The following NDUFAF2 variants were observed in gnomAD, a reference collection of about 807,000 sequenced individuals.
NDUFAF2 encodes the protein NADH:ubiquinone oxidoreductase complex assembly factor 2.
A neutral mutation model predicts 22.8 loss-of-function variants in NDUFAF2; 13 were observed. The observed-to-expected ratio is 0.57, with a 90% CI of 0.37 to 0.91. NDUFAF2 has a LOEUF of 0.91. Ranked by LOEUF, NDUFAF2 falls within the 40% of genes least tolerant of loss-of-function variation. The pLI is 0.01. For missense variants in NDUFAF2, 162 were observed against 195.2 expected, an observed-to-expected ratio of 0.83 and a Z score of 1.01; for synonymous variants, 53 against 64.2, an observed-to-expected ratio of 0.83 and a Z score of 0.84.
chr5:61,037,792 G>A (rs977391523), intron 1 of NDUFAF2, among the ~76,000 whole-genome samples: 7 of 152,024 alleles, frequency 4.6e-5, no homozygotes, highest in Non-Finnish European at 1.0e-4. Flanking sequence ...ATAATGGGAA[G>A]CCTTTGAATA....
In NDUFAF2 at chr5:61,152,948, A is replaced by C. The variant is rs552253221; in HGVS notation, c.503A>C (p.Asn168Thr). 2 of 1,613,964 alleles carry C rather than the reference A, an allele frequency of 1.2e-6. No individual in the cohort carries two copies. The highest frequency in any genetic ancestry group is 4.5e-5 in the East Asian group (2 of 44,876). The stretch of plus-strand genomic sequence containing the variant: ...ATGCCACGAGATGGCAAGAGCCACA[A>C]TCAATGAATGCATTATGGTCAAATC... ...SWMPRDGKSHNQ is the reference protein window; with the variant it reads ...SWMPRDGKSHTQ Residue 168 changes from asparagine (N) to threonine (T), a missense_variant, in exon 4 of 4, where the codon AAT becomes ACT. Physicochemically the swap from Asn to Thr is moderately conservative, Grantham distance 65 (BLOSUM62 0). Transcript: ENST00000296597.
chr5:61,085,822 CAT>C (rs1183722626), intron 2 of NDUFAF2, among the ~76,000 whole-genome samples: 8 of 151,940 alleles, frequency 5.3e-5, no homozygotes, highest in Non-Finnish European at 1.0e-4. Context: ...CATTGAAAAA[CAT>C]AAAATATCAG....
intron 2 of NDUFAF2, among the ~76,000 whole-genome samples, chr5:61,074,683 C>T (rs1752344532): frequency 1.3e-5 from 2 of 152,116 alleles, no homozygotes; most frequent in Admixed American, 6.5e-5. Flanking sequence ...TCGCTTGAAC[C>T]CGGGAGGCAG....
intron 3 of NDUFAF2, among the ~76,000 whole-genome samples, chr5:61,101,382 A>G (rs1165221378): frequency 6.6e-6 from 1 of 152,154 alleles, no homozygotes; most frequent in Non-Finnish European, 1.5e-5. Context: ...AATGTACATT[A>G]TAGTTTAGAC....
At chr5:61,019,932 G>C (rs1386011163) in intron 1 of NDUFAF2, among the ~76,000 whole-genome samples, 1 of 152,014 alleles carries the variant, frequency 6.6e-6, no homozygotes, top group Non-Finnish European at 1.5e-5. Flanking sequence ...TTAACAGTTA[G>C]ATATTCTGGT....
intron 1 of NDUFAF2, among the ~76,000 whole-genome samples, chr5:61,024,671 G>A (rs1023665841): frequency 2.0e-5 from 3 of 152,000 alleles, no homozygotes; most frequent in Non-Finnish European, 4.4e-5. Context: ...CCAGAGGCTT[G>A]TATTCTTAAT....
intron 1 of NDUFAF2, among the ~76,000 whole-genome samples, chr5:61,015,173 A>G (rs1466732597): frequency 6.6e-6 from 1 of 152,220 alleles, no homozygotes; most frequent in East Asian, 1.9e-4. Flanking sequence ...GTCATATCTA[A>G]TGGTAGAGTC....
intron 1 of NDUFAF2, among the ~76,000 whole-genome samples, chr5:60,951,110 A>T (rs1430609984): frequency 6.6e-6 from 1 of 151,750 alleles, no homozygotes; most frequent in Non-Finnish European, 1.5e-5. Context: ...GCTCGGTGCA[A>T]CCTCTGCCTC....
intron 1 of NDUFAF2, among the ~76,000 whole-genome samples, chr5:60,991,169 TA>T (rs1181253805): frequency 1.3e-5 from 2 of 152,098 alleles, no homozygotes; most frequent in Non-Finnish European, 2.9e-5. Context: ...TATTTTAAAT[TA>T]AAAAAATGTT....
At chr5:61,063,606 G>A (rs1455779956) in intron 1 of NDUFAF2, among the ~76,000 whole-genome samples, 4 of 152,132 alleles carry the variant, frequency 2.6e-5, no homozygotes, top group Admixed American at 2.0e-4. Flanking sequence ...ATGTAAATTG[G>A]TGGGGAGGGT....
chr5:61,129,627 C>T (rs1198153021), intron 3 of NDUFAF2, among the ~76,000 whole-genome samples: 1 of 126,740 alleles, frequency 7.9e-6, no homozygotes, highest in East Asian at 2.2e-4. Flanking sequence ...GAACATCACA[C>T]AATGGGGCCT....
At chr5:61,044,964 A>G (rs1751928374) in intron 1 of NDUFAF2, among the ~76,000 whole-genome samples, 1 of 151,266 alleles carries the variant, frequency 6.6e-6, no homozygotes, top group African/African-American at 2.4e-5. Flanking sequence ...TGAACATGGG[A>G]TATCTTCCCA....
chr5:61,031,550 T>C (rs975458904), intron 1 of NDUFAF2, among the ~76,000 whole-genome samples: 1 of 152,046 alleles, frequency 6.6e-6, no homozygotes, highest in African/African-American at 2.4e-5. Context: ...GTATACTGCA[T>C]AGTATTCCAT....
chr5:61,072,654 T>C (rs1235633399), intron 1 of NDUFAF2, among the ~76,000 whole-genome samples: 1 of 152,214 alleles, frequency 6.6e-6, no homozygotes, highest in Non-Finnish European at 1.5e-5. Flanking sequence ...TGGAGTGCAG[T>C]GGCTCGATCT....
intron 2 of NDUFAF2, among the ~76,000 whole-genome samples, chr5:61,086,630 T>G (rs1752508182): frequency 6.6e-6 from 1 of 152,134 alleles, no homozygotes; most frequent in Non-Finnish European, 1.5e-5. Flanking sequence ...AAATTTAACT[T>G]GGGATTTATC....
At chr5:60,956,429 C>T (rs1052488941) in intron 1 of NDUFAF2, among the ~76,000 whole-genome samples, 8 of 152,212 alleles carry the variant, frequency 5.3e-5, no homozygotes, top group Non-Finnish European at 8.8e-5. Context: ...TCATTCCTAA[C>T]CTTAGAGGAA....
intron 1 of NDUFAF2, among the ~76,000 whole-genome samples, chr5:61,010,673 T>C (rs1561541281): frequency 6.6e-6 from 1 of 152,282 alleles, no homozygotes; most frequent in East Asian, 1.9e-4. Flanking sequence ...TTGCTGTGGC[T>C]TATGCAGCTA....
At chr5:60,987,893 C>T (rs1055854282) in intron 1 of NDUFAF2, among the ~76,000 whole-genome samples, 23 of 152,146 alleles carry the variant, frequency 1.5e-4, no homozygotes, top group African/African-American at 4.8e-4. Flanking sequence ...CCTACCACTC[C>T]TATTAAACAT....
At chr5:61,022,941 G>A (rs564642587) in intron 1 of NDUFAF2, among the ~76,000 whole-genome samples, 1 of 152,292 alleles carries the variant, frequency 6.6e-6, no homozygotes, top group East Asian at 1.9e-4. Flanking sequence ...CACCATGCCC[G>A]GCCTGCCTTT....
Sources: gnomAD v4.1 joint callset for allele counts (sites outside exome capture counted in the v4.1 genomes callset) on GRCh38, gnomAD v4.1.1 for gene constraint, MANE v1.5 for transcripts, NCBI Gene and HGNC (gene_info 2026-07-23, HGNC 2026-07-21) for gene names.